The following GSR variants were observed in gnomAD, a reference collection of about 807,000 sequenced individuals.
The protein encoded by GSR is glutathione-disulfide reductase, also known as glutathione reductase, mitochondrial.
Under a neutral mutation model 56.5 loss-of-function variants are expected in GSR, and 48 were observed. The ratio of observed to expected loss-of-function variants is 0.85; its 90% CI spans 0.67 to 1.08. GSR has a LOEUF of 1.08. GSR is among the 50% of genes least tolerant of loss of function. The pLI is 0.00. For missense variants in GSR, 694 were observed against 703.3 expected (o/e 0.99, Z 0.15); for synonymous variants, 264 against 270.8 (o/e 0.97, Z 0.25).
At chr8:30,696,526 G>T in intron 6 of GSR, 47 bp from the exon 7 acceptor site, 1 of 1,279,286 alleles carries the variant, frequency 7.8e-7, no homozygotes, top group Non-Finnish European at 1.1e-6. Context: ...ACTAATTTTG[G>T]AATAATTTCA....
At chr8:30,680,804 A>G in intron 12 of GSR, 100 bp downstream of exon 12, 1 of 1,034,122 alleles carries the variant, frequency 9.7e-7, no homozygotes, top group Non-Finnish European at 1.5e-6. Flanking sequence ...TTGAATCAGA[A>G]GGCTCAACTG....
intron 6 of GSR, among the ~76,000 whole-genome samples, chr8:30,697,454 A>C (rs573655872): frequency 4.1e-4 from 58 of 142,102 alleles, no homozygotes; most frequent in Non-Finnish European, 7.0e-4. Flanking sequence ...AACAAACAAA[A>C]AACCCCTAAA....
At chr8:30,717,527 C>T (rs989942776) in intron 1 of GSR, among the ~76,000 whole-genome samples, 3 of 152,152 alleles carry the variant, frequency 2.0e-5, no homozygotes, top group African/African-American at 7.2e-5. Flanking sequence ...AGCATTACTG[C>T]CTGAGCTCCA....
At chr8:30,716,698 T>A (rs1010253538) in intron 1 of GSR, among the ~76,000 whole-genome samples, 1 of 152,136 alleles carries the variant, frequency 6.6e-6, no homozygotes, top group Admixed American at 6.6e-5. Flanking sequence ...TCCCAGCTAC[T>A]GGGGAGGCTG....
intron 7 of GSR, among the ~76,000 whole-genome samples, chr8:30,694,814 G>T (rs1308076068): frequency 6.7e-6 from 1 of 148,222 alleles, no homozygotes; most frequent in Non-Finnish European, 1.5e-5. Context: ...TGGGAAGATC[G>T]CTTGAGCCCA....
At chr8:30,685,924 T>A (rs1480491036) in intron 9 of GSR, among the ~76,000 whole-genome samples, 2 of 136,706 alleles carry the variant, frequency 1.5e-5, no homozygotes, top group African/African-American at 5.6e-5. Context: ...GGGGCGGAGA[T>A]TGCAGTAAGC....
rs1802977718 is a variant in GSR, at chr8:30,682,029, G to A, written c.1186C>T (p.Arg396Ter). Residue 396 changes from arginine to a stop codon, truncating the protein, a stop_gained, in exon 11 of 13, where the codon CGA becomes TGA. Coordinates refer to ENST00000221130, the MANE Select transcript of GSR (RefSeq NM_000637.5). LOFTEE classifies it high-confidence loss of function. ...GAATCTTCCTTATATTCAAAAAGTC[G>A]ATGGGCAAGTTTTCGGCCAGCAGCT... is the stretch of plus-strand genomic sequence containing the variant. ...AIAAGRKLAH[R>*]LFEYKEDSKL... is the part of the protein sequence containing the mutation. The A allele has an allele frequency of 8.7e-6, 14 of 1,612,848 alleles. No individual in the cohort carries two copies. The highest frequency in any genetic ancestry group is 1.1e-5 in the South Asian group (1 of 91,068).
chr8:30,697,426 C>CA (rs57565215), intron 6 of GSR, among the ~76,000 whole-genome samples: 58,349 of 141,746 alleles, frequency 0.41, 12,326 homozygotes, highest in East Asian at 0.46. Context: ...AAAAACAAAA[C>CA]AAACAAACAA....
intron 5 of GSR, among the ~76,000 whole-genome samples, chr8:30,701,465 T>C (rs1803738076): frequency 7.0e-6 from 1 of 143,388 alleles, no homozygotes; most frequent in Admixed American, 7.1e-5. Flanking sequence ...AAACTCTGTC[T>C]CTGAACAAAC....
intron 1 of GSR, among the ~76,000 whole-genome samples, chr8:30,718,313 T>C (rs1331930093): frequency 1.3e-5 from 2 of 152,102 alleles, no homozygotes; most frequent in South Asian, 2.1e-4. Flanking sequence ...GTCAGACAGA[T>C]AGGAGTTTGA....
chr8:30,707,112 A>G (rs936555136), intron 4 of GSR: 3 of 152,284 alleles, frequency 2.0e-5, no homozygotes, highest in Admixed American at 1.3e-4. Context: ...AGCCTGGGTG[A>G]ATAGAGAAAC....
At chr8:30,689,374 A>G in intron 8 of GSR, 55 bp from the exon 9 acceptor site, 1 of 1,426,952 alleles carries the variant, frequency 7.0e-7, no homozygotes, top group South Asian at 1.1e-5. Flanking sequence ...AGGACAGGGG[A>G]AGAAGGAAAG....
chr8:30,691,231 T>C (rs1403355290), intron 8 of GSR, among the ~76,000 whole-genome samples: 1 of 152,014 alleles, frequency 6.6e-6, no homozygotes, highest in Non-Finnish European at 1.5e-5. Context: ...GTTGGGCTTG[T>C]TGGCAGGTGC....
Position 30,708,115 on chromosome 8 carries a change from T to C in GSR, c.449A>G (p.Tyr150Cys), listed in dbSNP as rs372630991. The change falls in exon 4 of 13, where the codon TAT becomes TGT. Residue 150 changes from tyrosine (Y) to cysteine (C), a missense_variant. Coordinates refer to ENST00000221130, the MANE Select transcript of GSR (RefSeq NM_000637.5). The stretch of plus-strand genomic sequence containing the variant: ...ATAGATGGCATTCAGGCGGCTCACA[T>C]AGGCATCCCGCTTTTCCTTAATAAC... Reference protein sequence around the residue: ...WRVIKEKRDAYVSRLNAIYQN... With the variant: ...WRVIKEKRDACVSRLNAIYQN... The C allele has an allele frequency of 6.8e-6, 11 of 1,613,276 alleles. No individual in the cohort carries two copies. The highest frequency in any genetic ancestry group is 2.7e-5 in the African/African-American group (2 of 74,914).
intron 1 of GSR, among the ~76,000 whole-genome samples, chr8:30,717,669 C>T (rs1804381716): frequency 6.6e-6 from 1 of 152,036 alleles, no homozygotes. Context: ...CTGTCACTGT[C>T]TCCCATCAGC....
intron 4 of GSR, among the ~76,000 whole-genome samples, chr8:30,703,949 C>T (rs1803835627): frequency 6.6e-6 from 1 of 152,124 alleles, no homozygotes; most frequent in African/African-American, 2.4e-5. Context: ...ATATGCAAGG[C>T]ACCCCCGTAA....
chr8:30,689,957 AT>A (rs1803312699), intron 8 of GSR, among the ~76,000 whole-genome samples: 1 of 140,308 alleles, frequency 7.1e-6, no homozygotes, highest in Non-Finnish European at 1.5e-5. Flanking sequence ...ATATATGTAT[AT>A]TTTTATTTAT....
At chr8:30,680,398 T>A (rs1398163412) in intron 12 of GSR, among the ~76,000 whole-genome samples, 1 of 147,062 alleles carries the variant, frequency 6.8e-6, no homozygotes, top group African/African-American at 2.5e-5. Flanking sequence ...TTTTTTTTTT[T>A]TTTTTTTTTG....
At position 30,678,967 on chromosome 8, in the gene GSR, T is replaced by C. The variant is rs1216451149; in HGVS notation, c.*553A>G. ...GAGTTTGAGACCAGCCTGACCAACA[T>C]GGAGAAACCCCATGTCTACTAAAAA... On this transcript the variant is annotated 3_prime_UTR_variant, in exon 13 of 13. Transcript: ENST00000221130. 3 of 153,434 alleles carry C rather than the reference T, an allele frequency of 2.0e-5. No homozygotes were observed. Among genetic ancestry groups the C allele is most frequent in the Non-Finnish European group, 2.9e-5 (2 of 69,144 alleles). The allele number at this position is 153,434 out of a possible 1,614,324, so 9.5% of individuals were successfully genotyped here.
Sources: gnomAD v4.1 joint callset for allele counts (sites outside exome capture counted in the v4.1 genomes callset) on GRCh38, gnomAD v4.1.1 for gene constraint, MANE v1.5 for transcripts, NCBI Gene and HGNC (gene_info 2026-07-23, HGNC 2026-07-21) for gene names.